ADGRL3: variants seen among roughly 807,000 people sequenced by gnomAD.
ADGRL3 encodes calcium-independent alpha-latrotoxin receptor 3.
A neutral mutation model predicts 153.5 loss-of-function variants in ADGRL3; 62 were observed. That is an observed-to-expected ratio of 0.40 (90% CI 0.33 to 0.50). The LOEUF is 0.50. Ranked by LOEUF, ADGRL3 falls within the 20% of genes least tolerant of loss-of-function variation. The pLI is 0.47. For synonymous variants in ADGRL3, 710 were observed against 672.5 expected (o/e 1.06, Z -0.86); for missense variants, 1,641 against 1,859.4 (o/e 0.88, Z 2.16).
At chr4:61,768,405 G>C (rs1031951560) in intron 8 of ADGRL3, among the ~76,000 whole-genome samples, 2 of 151,992 alleles carry the variant, frequency 1.3e-5, no homozygotes, top group Admixed American at 1.3e-4. Flanking sequence ...GCTTGGGGTC[G>C]GTACTGAGGG....
intron 15 of ADGRL3, among the ~76,000 whole-genome samples, chr4:61,945,837 G>A (rs139334557): frequency 1.1e-4 from 16 of 152,122 alleles, no homozygotes; most frequent in African/African-American, 3.6e-4. Context: ...CCACTGTCTG[G>A]CACTCCTTAG....
At chr4:61,253,901 G>GCT (rs1303845930) in intron 1 of ADGRL3, among the ~76,000 whole-genome samples, 1 of 152,084 alleles carries the variant, frequency 6.6e-6, no homozygotes, top group Non-Finnish European at 1.5e-5. Flanking sequence ...ATCTCTAAAT[G>GCT]CTCTTGCAGC....
At chr4:62,067,207 T>C (rs1349490902) in intron 25 of ADGRL3, among the ~76,000 whole-genome samples, 1 of 152,140 alleles carries the variant, frequency 6.6e-6, no homozygotes, top group Non-Finnish European at 1.5e-5. Flanking sequence ...AAACTGTCAT[T>C]AAATTATAGT....
At chr4:61,841,750 T>C (rs977968728) in intron 9 of ADGRL3, among the ~76,000 whole-genome samples, 2 of 152,208 alleles carry the variant, frequency 1.3e-5, no homozygotes, top group South Asian at 4.1e-4. Context: ...TGAATGCCCA[T>C]AAGAATACTA....
chr4:61,479,990 C>A (rs1437372136), intron 2 of ADGRL3, among the ~76,000 whole-genome samples: 1 of 151,954 alleles, frequency 6.6e-6, no homozygotes, highest in Non-Finnish European at 1.5e-5. Flanking sequence ...TTAACATGTT[C>A]ATCTCTCAGC....
chr4:61,221,107 G>C (rs757939779), intron 1 of ADGRL3, among the ~76,000 whole-genome samples: 10 of 152,124 alleles, frequency 6.6e-5, no homozygotes, highest in Non-Finnish European at 1.3e-4. Context: ...ACAGAGGCTG[G>C]AATATGAGCT....
intron 4 of ADGRL3, among the ~76,000 whole-genome samples, chr4:61,576,323 T>G (rs1275162412): frequency 6.6e-6 from 1 of 151,818 alleles, no homozygotes; most frequent in Non-Finnish European, 1.5e-5. Flanking sequence ...TTTTCCTTGG[T>G]TTTGAGGGTA....
chr4:61,585,081 G>C (rs1223951468), intron 4 of ADGRL3, among the ~76,000 whole-genome samples: 1 of 151,856 alleles, frequency 6.6e-6, no homozygotes, highest in Non-Finnish European at 1.5e-5. Flanking sequence ...ACCTTTAATT[G>C]TGCTAACTCT....
intron 1 of ADGRL3, among the ~76,000 whole-genome samples, chr4:61,274,312 G>A (rs577185343): frequency 1.3e-5 from 2 of 152,266 alleles, no homozygotes; most frequent in Admixed American, 1.3e-4. Flanking sequence ...GGGAGAGACT[G>A]CCATCTCCAG....
intron 6 of ADGRL3, among the ~76,000 whole-genome samples, chr4:61,709,367 A>T (rs1368672578): frequency 6.6e-6 from 1 of 152,194 alleles, no homozygotes; most frequent in Non-Finnish European, 1.5e-5. Flanking sequence ...TAGCAAAATT[A>T]TGAAATCTGT....
At chr4:61,573,706 T>A (rs1044245043) in intron 4 of ADGRL3, among the ~76,000 whole-genome samples, 2 of 151,990 alleles carry the variant, frequency 1.3e-5, no homozygotes, top group African/African-American at 4.8e-5. Context: ...GGCCATTCAA[T>A]CAAAACTGAT....
intron 17 of ADGRL3, among the ~76,000 whole-genome samples, chr4:61,955,231 T>C (rs2098961741): frequency 6.6e-6 from 1 of 152,220 alleles, no homozygotes; most frequent in African/African-American, 2.4e-5. Context: ...TATTTTTCAG[T>C]GATCTAGCCC....
At chr4:61,547,543 A>G (rs2098719551) in intron 4 of ADGRL3, among the ~76,000 whole-genome samples, 1 of 152,078 alleles carries the variant, frequency 6.6e-6, no homozygotes, top group Admixed American at 6.6e-5. Context: ...TAGTTTACTT[A>G]GGATAATGTC....
chr4:61,485,468 GA>G (rs1265533595), intron 2 of ADGRL3, among the ~76,000 whole-genome samples: 2 of 151,730 alleles, frequency 1.3e-5, no homozygotes, highest in African/African-American at 4.8e-5. Context: ...AAAAAATATT[GA>G]AATTTTTTAA....
At chr4:61,440,008 A>G (rs1381419480) in intron 2 of ADGRL3, among the ~76,000 whole-genome samples, 1 of 152,066 alleles carries the variant, frequency 6.6e-6, no homozygotes, top group Non-Finnish European at 1.5e-5. Flanking sequence ...TCTGTGCTAT[A>G]CGTATCTGTG....
At chr4:61,698,977 G>T (rs1489420492) in intron 6 of ADGRL3, among the ~76,000 whole-genome samples, 2 of 152,238 alleles carry the variant, frequency 1.3e-5, no homozygotes, top group Admixed American at 6.5e-5. Flanking sequence ...TTCCTCTAGG[G>T]ACTTCCATTT....
At chr4:61,852,809 CTTTT>C (rs2098221764) in intron 9 of ADGRL3, among the ~76,000 whole-genome samples, 1 of 113,366 alleles carries the variant, frequency 8.8e-6, no homozygotes, top group South Asian at 2.9e-4. Context: ...AACTCATCAT[CTTTT>C]ATTTATTTAT....
At chr4:61,269,445 C>T (rs1386268788) in intron 1 of ADGRL3, among the ~76,000 whole-genome samples, 2 of 151,628 alleles carry the variant, frequency 1.3e-5, no homozygotes, top group Admixed American at 6.6e-5. Context: ...TGTGTAGCCT[C>T]ATTGTACGAG....
Position 61,524,422 on chromosome 4 carries a change from A to AT in ADGRL3, c.259+6912dup, listed in dbSNP as rs548232906. 2.2e-4 allele frequency among the ~76,000 whole-genome samples: 34 copies of AT among 151,870 alleles called. 1 individual carries two copies. The highest frequency in any genetic ancestry group is 1.7e-3 in the East Asian group (9 of 5,162). On this transcript the variant is annotated intron_variant, in intron 4 of 26. Transcript: ENST00000683033. ...ATATATACAATTAATTAAATTGATG[A>AT]TTTTTTTTCTAATTCTTACTGCTTA...
Sources: allele counts gnomAD v4.1 joint callset (sites outside exome capture counted in the v4.1 genomes callset), GRCh38; gene constraint gnomAD v4.1.1; transcripts MANE v1.5; gene names NCBI Gene and HGNC (gene_info 2026-07-23, HGNC 2026-07-21).